Variants in DGKE observed in about 807,000 individuals in gnomAD.
DGKE encodes diacylglycerol kinase epsilon.
DGKE carries 53 observed loss-of-function variants against 70.0 expected under a neutral mutation model. That is an observed-to-expected ratio of 0.76 (90% CI 0.61 to 0.95). The LOEUF (loss-of-function observed/expected upper bound fraction) is 0.95, where lower values mean the gene tolerates loss of function less well. Among genes scored for constraint, DGKE ranks in the 40% least tolerant of loss-of-function variants. The pLI, the probability that DGKE is intolerant of heterozygous loss-of-function variation, is 0.00. For missense variants in DGKE, 655 were observed against 706.9 expected, an observed-to-expected ratio of 0.93 and a Z score of 0.83; for synonymous variants, 291 against 257.0, an observed-to-expected ratio of 1.13 and a Z score of -1.27.
chr17:56,848,991 GTGTTT>G (rs1907484374), intron 6 of DGKE, 138 bp downstream of exon 6: 1 of 1,319,144 alleles, frequency 7.6e-7, no homozygotes, highest in Admixed American at 2.3e-5. Flanking sequence ...ACAGATACTG[GTGTTT>G]TGTTTTATTA....
At chr17:56,842,937 T>C (rs1907073426) in intron 2 of DGKE, among the ~76,000 whole-genome samples, 1 of 152,252 alleles carries the variant, frequency 6.6e-6, no homozygotes, top group Admixed American at 6.5e-5. Flanking sequence ...TGAATGCACA[T>C]GTTCTTACGT....
chr17:56,856,826 A>AGT (rs1907979716), intron 8 of DGKE, among the ~76,000 whole-genome samples: 1 of 151,978 alleles, frequency 6.6e-6, no homozygotes, highest in African/African-American at 2.4e-5. Context: ...GGCCAGGCAC[A>AGT]GTGGCTCATG....
chr17:56,865,223 C>T lies in DGKE; in HGVS notation c.*2432C>T, dbSNP rs1908484223. 1 of 152,116 alleles carries T rather than the reference C, an allele frequency of 6.6e-6. No individual in the cohort carries two copies. Among genetic ancestry groups the T allele is most frequent in the African/African-American group, 2.4e-5 (1 of 41,428 alleles). 9.4% of individuals were successfully genotyped at this position (152,116 alleles called of 1,614,324 possible). ...ATTGTTTATATTACCAGGGATTCTA[C>T]ACTTTACCAAAAAAAATTGCCATAA... On this transcript the variant is annotated 3_prime_UTR_variant, in exon 12 of 12. Transcript: ENST00000284061.
intron 8 of DGKE, 79 bp downstream of exon 8, chr17:56,856,704 C>T: frequency 6.8e-7 from 1 of 1,467,010 alleles, no homozygotes; most frequent in Non-Finnish European, 9.1e-7. Context: ...ATTTAGCACT[C>T]CTAGATTCAG....
rs1158081415 is a variant in DGKE, at chr17:56,865,210, AC to A, written c.*2421del. ...TATTAGGGTAGTGATTGTTTATATT[AC>A]CAGGGATTCTACACTTTACCAAAAA... is the stretch of plus-strand genomic sequence containing the variant. On this transcript the variant is annotated 3_prime_UTR_variant, in exon 12 of 12. Transcript: ENST00000284061. 2.0e-5 allele frequency: 3 copies of A among 152,158 alleles called. No homozygotes were observed. Among genetic ancestry groups the A allele is most frequent in the Non-Finnish European group, 4.4e-5 (3 of 68,010 alleles). The allele number at this position is 152,158 out of a possible 1,614,324, so 9.4% of individuals were successfully genotyped here.
chr17:56,861,004 C>T (rs775183779), intron 9 of DGKE, among the ~76,000 whole-genome samples: 11 of 152,222 alleles, frequency 7.2e-5, no homozygotes, highest in East Asian at 1.9e-4. Context: ...TTTTAAGTGT[C>T]GATCCAACCG....
At chr17:56,838,714 C>T (rs552443630) in intron 2 of DGKE, 4 of 151,412 alleles carry the variant, frequency 2.6e-5, no homozygotes, top group Admixed American at 6.6e-5. Flanking sequence ...TGCACAAGAA[C>T]GGCATATAAA....
At chr17:56,840,428 TGCA>T (rs1906903784) in intron 2 of DGKE, among the ~76,000 whole-genome samples, 2 of 152,114 alleles carry the variant, frequency 1.3e-5, no homozygotes. Flanking sequence ...CAGGTTGCAG[TGCA>T]GTGACATGAT....
intron 7 of DGKE, among the ~76,000 whole-genome samples, chr17:56,855,590 G>A (rs1484381443): frequency 6.6e-6 from 1 of 152,142 alleles, no homozygotes; most frequent in Admixed American, 6.5e-5. Context: ...TCCTATTAGC[G>A]ATTGTGTCCA....
chr17:56,864,848 T>C lies in DGKE; in HGVS notation c.*2057T>C, dbSNP rs1908467811. 6.6e-6 allele frequency: 1 copy of C among 152,172 alleles called. No individual in the cohort carries two copies. The highest frequency in any genetic ancestry group is 1.5e-5 in the Non-Finnish European group (1 of 68,014). The allele number at this position is 152,172 out of a possible 1,614,324, so 9.4% of individuals were successfully genotyped here. A position where few individuals can be genotyped will look rare whatever the true frequency, so the allele number is the denominator to read the frequency against. On this transcript the variant is annotated 3_prime_UTR_variant, in exon 12 of 12. Coordinates refer to ENST00000284061, the MANE Select transcript of DGKE (RefSeq NM_003647.3). ...TTGTGAAAACTACAATTAAAAATTA[T>C]AATTTTAATACCAACCATAATATTA...
intron 9 of DGKE, among the ~76,000 whole-genome samples, chr17:56,860,072 CTTTTA>C (rs1444542956): frequency 3.3e-5 from 5 of 151,970 alleles, no homozygotes. Context: ...AAAATAAAGA[CTTTTA>C]TTTTATTGTC....
Position 56,865,646 on chromosome 17 carries a change from T to C in DGKE, c.*2855T>C, listed in dbSNP as rs1226519221. The C allele has an allele frequency of 6.6e-6, 1 of 152,170 alleles. No homozygotes were observed. Among genetic ancestry groups the C allele is most frequent in the African/African-American group, 2.4e-5 (1 of 41,456 alleles). The allele number at this position is 152,170 out of a possible 1,614,324, so 9.4% of individuals were successfully genotyped here. ...TAATCAAAATTATTTATTTTTATTT[T>C]TTTAGAGTATGTCAAAAACATATAG... On this transcript the variant is annotated 3_prime_UTR_variant, in exon 12 of 12. Coordinates refer to ENST00000284061, the MANE Select transcript of DGKE (RefSeq NM_003647.3).
chr17:56,835,679 T>C (rs1052950294), intron 2 of DGKE: 54 of 242,038 alleles, frequency 2.2e-4, no homozygotes, highest in East Asian at 1.7e-3. Context: ...ACTATGAATG[T>C]GCAGTGAAAA....
chr17:56,842,948 C>T (rs1454332053), intron 2 of DGKE, among the ~76,000 whole-genome samples: 1 of 152,162 alleles, frequency 6.6e-6, no homozygotes, highest in Non-Finnish European at 1.5e-5. Context: ...GTTCTTACGT[C>T]TATTTCAAAA....
chr17:56,843,958 G>A, intron 2 of DGKE, 61 bp from the exon 3 acceptor site: 1 of 1,433,676 alleles, frequency 7.0e-7, no homozygotes, highest in Non-Finnish European at 9.3e-7. Flanking sequence ...TGATTGTTTT[G>A]TGGGTTATCA....
At chr17:56,847,791 G>C in intron 4 of DGKE, 131 bp from the exon 5 acceptor site, 1 of 516,766 alleles carries the variant, frequency 1.9e-6, no homozygotes, top group Non-Finnish European at 3.0e-6. Flanking sequence ...CAGGGTGCCT[G>C]GCATATTGTT....
intron 2 of DGKE, among the ~76,000 whole-genome samples, chr17:56,840,428 T>G (rs959792216): frequency 2.6e-4 from 39 of 152,232 alleles, no homozygotes; most frequent in African/African-American, 9.4e-4. Flanking sequence ...CAGGTTGCAG[T>G]GCAGTGACAT....
intron 7 of DGKE, among the ~76,000 whole-genome samples, chr17:56,854,571 T>G (rs1907835922): frequency 1.3e-5 from 2 of 152,078 alleles, no homozygotes; most frequent in African/African-American, 4.8e-5. Context: ...CCCCTCAGCC[T>G]CCCAAAGTGC....
At chr17:56,849,988 T>A (rs2144247304) in intron 7 of DGKE, among the ~76,000 whole-genome samples, 1 of 152,294 alleles carries the variant, frequency 6.6e-6, no homozygotes, top group Middle Eastern at 3.4e-3. Context: ...TAGCCCAAGT[T>A]GTGGGATTCA....
Sources: allele counts gnomAD v4.1 joint callset (sites outside exome capture counted in the v4.1 genomes callset), GRCh38; gene constraint gnomAD v4.1.1; transcripts MANE v1.5; gene names NCBI Gene and HGNC (gene_info 2026-07-23, HGNC 2026-07-21).